Variants in SLC2A2 observed in about 807,000 individuals in gnomAD.
The protein encoded by SLC2A2 is solute carrier family 2, facilitated glucose transporter member 2.
A neutral mutation model predicts 54.5 loss-of-function variants in SLC2A2; 36 were observed. The observed-to-expected ratio is 0.66, with a 90% confidence interval of 0.51 to 0.87. The LOEUF (loss-of-function observed/expected upper bound fraction) is 0.87, where lower values mean the gene tolerates loss of function less well. Among genes scored for constraint, SLC2A2 ranks in the 40% least tolerant of loss-of-function variants. The probability of loss-of-function intolerance (pLI) is 0.00; values close to 1 mark genes in which losing one functional copy is unlikely to be tolerated. For missense variants in SLC2A2, 543 were observed against 624.3 expected (o/e 0.87, Z 1.39); for synonymous variants, 223 against 219.1 (o/e 1.02, Z -0.16).
At chr3:171,005,849 C>T in intron 6 of SLC2A2, 94 bp downstream of exon 6, 3 of 1,283,164 alleles carry the variant, frequency 2.3e-6, no homozygotes, top group Non-Finnish European at 2.3e-6. Context: ...ATTCTTCTTA[C>T]ATTTAATCAC....
intron 1 of SLC2A2, among the ~76,000 whole-genome samples, chr3:171,024,648 G>A (rs1003108227): frequency 2.0e-5 from 3 of 152,202 alleles, no homozygotes; most frequent in Non-Finnish European, 4.4e-5. Flanking sequence ...AGACCTTAGA[G>A]AACAATGGAT....
chr3:171,016,425 AC>A (rs1576839967), intron 2 of SLC2A2, among the ~76,000 whole-genome samples: 1 of 152,202 alleles, frequency 6.6e-6, no homozygotes, highest in East Asian at 1.9e-4. Flanking sequence ...GTCTCAAAAA[AC>A]TAAAACAAAA....
chr3:171,018,474 T>C, intron 2 of SLC2A2, 57 bp downstream of exon 2: 2 of 1,167,284 alleles, frequency 1.7e-6, no homozygotes, highest in Non-Finnish European at 2.6e-6. Flanking sequence ...GAGGAACATA[T>C]GATATCTATC....
At chr3:171,025,288 T>C (rs1399769818) in intron 1 of SLC2A2, among the ~76,000 whole-genome samples, 1 of 148,910 alleles carries the variant, frequency 6.7e-6, no homozygotes, top group Non-Finnish European at 1.5e-5. Context: ...GCTTATATAA[T>C]ATGTATTTAA....
chr3:171,009,553 A>C (rs1715774727), intron 4 of SLC2A2, among the ~76,000 whole-genome samples: 1 of 152,046 alleles, frequency 6.6e-6, no homozygotes, highest in Non-Finnish European at 1.5e-5. Flanking sequence ...CCACAGCAGT[A>C]ATAACAACGG....
rs184914882 is a variant in SLC2A2 at position 171,019,916 on chromosome 3, G to A, written c.16-1293C>T. Among the ~76,000 whole-genome samples the A allele has an allele frequency of 7.2e-5, 11 of 152,304 alleles. No individual in the cohort carries two copies. In the South Asian group the frequency reaches 1.7e-3, roughly 23 times the overall value. ...GGAGGAATGTGAGGTTGGAGAAGGA[G>A]AGTGAAGGAAATTTTTTCTTGTATT... On this transcript the variant is annotated intron_variant, in intron 1 of 10. Coordinates refer to ENST00000314251, the MANE Select transcript of SLC2A2 (RefSeq NM_000340.2).
rs1716591338 is a variant in SLC2A2, at chr3:171,024,294, T to A, written c.15+2362A>T. On this transcript the variant is annotated intron_variant, in intron 1 of 10. Transcript: ENST00000314251. ...TGTCAAACAGCCATGTGTCAACTTT[T>A]CATACTTTACCGATACTCTTTGCAA... Among the ~76,000 whole-genome samples the A allele has an allele frequency of 3.3e-5, 5 of 152,212 alleles. No homozygotes were observed. In the South Asian group the frequency reaches 1.0e-3, roughly 32 times the overall value.
At position 170,997,483 on chromosome 3, in the gene SLC2A2, C is replaced by T. The variant is rs1337108619; in HGVS notation, c.*420G>A. 1.7e-5 allele frequency: 3 copies of T among 173,272 alleles called. No homozygotes were observed. In the East Asian group the frequency reaches 5.0e-4, roughly 29 times the overall value. 10.7% of individuals were successfully genotyped at this position (173,272 alleles called of 1,614,324 possible). The stretch of plus-strand genomic sequence containing the variant: ...GAACTTATTGCCACTAGCCATATCT[C>T]CTTTAACATAAGATATATGGGTAAG... On this transcript the variant is annotated 3_prime_UTR_variant, in exon 11 of 11. Transcript: ENST00000314251.
intron 3 of SLC2A2, among the ~76,000 whole-genome samples, chr3:171,012,208 T>C (rs1247199848): frequency 1.3e-5 from 2 of 152,210 alleles, no homozygotes; most frequent in Non-Finnish European, 2.9e-5. Flanking sequence ...ATATTTGTTG[T>C]CATTAAATCC....
chr3:171,019,080 T>C (rs904359368), intron 1 of SLC2A2, among the ~76,000 whole-genome samples: 2 of 105,818 alleles, frequency 1.9e-5, no homozygotes, highest in South Asian at 3.1e-4. Context: ...TGTGTGTATA[T>C]ATATATGTGT....
chr3:171,005,881 G>A (rs964896524), intron 6 of SLC2A2, 62 bp downstream of exon 6: 2 of 1,505,614 alleles, frequency 1.3e-6, no homozygotes, highest in Non-Finnish European at 1.8e-6. Context: ...GGAAAGCACT[G>A]TTTTACATTA....
At chr3:171,018,796 T>C (rs1716280472) in intron 1 of SLC2A2, among the ~76,000 whole-genome samples, 173 bp from the exon 2 acceptor site, 1 of 152,222 alleles carries the variant, frequency 6.6e-6, no homozygotes, top group Admixed American at 6.5e-5. Context: ...CATACAAGAA[T>C]GTGAGCCATT....
intron 3 of SLC2A2, among the ~76,000 whole-genome samples, chr3:171,012,422 C>A (rs181744474): frequency 6.6e-6 from 1 of 152,248 alleles, no homozygotes; most frequent in Non-Finnish European, 1.5e-5. Context: ...CCTTCAAAGG[C>A]AAGCTATGCA....
At chr3:171,008,180 T>A (rs1001937189) in intron 4 of SLC2A2, among the ~76,000 whole-genome samples, 1 of 152,130 alleles carries the variant, frequency 6.6e-6, no homozygotes, top group South Asian at 2.1e-4. Flanking sequence ...TTGAAATGGA[T>A]GATCTTTGTG....
At chr3:171,024,457 C>T (rs1268567224) in intron 1 of SLC2A2, among the ~76,000 whole-genome samples, 1 of 152,188 alleles carries the variant, frequency 6.6e-6, no homozygotes, top group East Asian at 1.9e-4. Context: ...TGGTCTTAAA[C>T]GCCACTGCTA....
intron 1 of SLC2A2, 113 bp from the exon 2 acceptor site, chr3:171,018,736 T>C (rs977760394): frequency 2.7e-6 from 2 of 741,332 alleles, no homozygotes; most frequent in Admixed American, 2.0e-5. Flanking sequence ...TTCTTTCCCC[T>C]CAATATCGAT....
chr3:171,014,392 A>G lies in SLC2A2; in HGVS notation c.371+77T>C, dbSNP rs189047794. 128 of 1,478,702 alleles carry G rather than the reference A, an allele frequency of 8.7e-5. No homozygotes were observed. In the Middle Eastern group the frequency reaches 1.0e-3, roughly 12 times the overall value. 91.6% of individuals were successfully genotyped at this position (1,478,702 alleles called of 1,614,324 possible). On this transcript the variant is annotated intron_variant, in intron 3 of 10. Coordinates refer to ENST00000314251, the MANE Select transcript of SLC2A2 (RefSeq NM_000340.2). ...AAAGCTATTCCACAAGAAGAAAGAT[A>G]ATATTTTTCTAAACAAGTGTTAGGA...
At chr3:171,025,100 G>C (rs552778905) in intron 1 of SLC2A2, among the ~76,000 whole-genome samples, 1 of 152,098 alleles carries the variant, frequency 6.6e-6, no homozygotes, top group African/African-American at 2.4e-5. Context: ...CATCTATGTA[G>C]TTGTTAACTT....
At chr3:171,014,896 AG>A in intron 2 of SLC2A2, among the ~76,000 whole-genome samples, 165 bp from the exon 3 acceptor site, 1 of 152,330 alleles carries the variant, frequency 6.6e-6, no homozygotes, top group East Asian at 1.9e-4. Context: ...ATCCTATAAA[AG>A]AAAGGTTATA....
Sources: allele counts gnomAD v4.1 joint callset (sites outside exome capture counted in the v4.1 genomes callset), GRCh38; gene constraint gnomAD v4.1.1; transcripts MANE v1.5; gene names NCBI Gene and HGNC (gene_info 2026-07-23, HGNC 2026-07-21).